MEI4: variants seen among roughly 807,000 people sequenced by gnomAD.
MEI4 encodes meiosis-specific protein MEI4.
MEI4 carries 27 observed loss-of-function variants against 31.4 expected under a neutral mutation model. That is an observed-to-expected ratio of 0.86 (90% CI 0.63 to 1.19). The LOEUF is 1.19. Among genes scored for constraint, MEI4 ranks in the 50% most tolerant of loss-of-function variants. The probability of loss-of-function intolerance (pLI) is 0.00; values close to 1 mark genes in which losing one functional copy is unlikely to be tolerated. For synonymous variants in MEI4, 122 were observed against 145.4 expected, an observed-to-expected ratio of 0.84 and a Z score of 1.16; for missense variants, 329 against 398.9, an observed-to-expected ratio of 0.82 and a Z score of 1.49.
intron 2 of MEI4, among the ~76,000 whole-genome samples, chr6:77,739,080 T>A (rs1767328920): frequency 6.6e-6 from 1 of 152,208 alleles, no homozygotes; most frequent in South Asian, 2.1e-4. Flanking sequence ...AGCTCTTTAG[T>A]TTAATTAGAT....
intron 1 of MEI4, among the ~76,000 whole-genome samples, chr6:77,659,152 CCGAGAGCAA>C (rs1290538392): frequency 2.6e-5 from 4 of 152,102 alleles, no homozygotes; most frequent in Admixed American, 2.6e-4. Context: ...TATTCCAGTA[CCGAGAGCAA>C]TAGTGGAGGC....
At chr6:77,866,461 G>C (rs1417855867) in intron 4 of MEI4, among the ~76,000 whole-genome samples, 1 of 152,156 alleles carries the variant, frequency 6.6e-6, no homozygotes, top group Non-Finnish European at 1.5e-5. Context: ...AATCATGAGT[G>C]AACTCCCATT....
chr6:77,700,561 G>A (rs1169146520), intron 2 of MEI4, among the ~76,000 whole-genome samples: 1 of 152,198 alleles, frequency 6.6e-6, no homozygotes, highest in Non-Finnish European at 1.5e-5. Flanking sequence ...GCAGTGCCTT[G>A]CCCTGCTTCG....
intron 4 of MEI4, among the ~76,000 whole-genome samples, chr6:77,866,780 A>T (rs903685172): frequency 3.3e-5 from 5 of 152,234 alleles, no homozygotes; most frequent in Non-Finnish European, 7.3e-5. Context: ...TCTAAGTCAA[A>T]AGAACAAAGC....
chr6:77,783,887 T>G (rs1489020946), intron 3 of MEI4, among the ~76,000 whole-genome samples: 1 of 152,170 alleles, frequency 6.6e-6, no homozygotes, highest in Admixed American at 6.6e-5. Context: ...GTTTAGTTTT[T>G]ATATTTTGCC....
intron 3 of MEI4, among the ~76,000 whole-genome samples, chr6:77,808,021 A>C (rs1204006504): frequency 6.6e-6 from 1 of 152,166 alleles, no homozygotes; most frequent in Non-Finnish European, 1.5e-5. Flanking sequence ...AGAAAGTTTG[A>C]AAGCAGTGCA....
At chr6:77,857,897 G>A (rs1281276597) in intron 4 of MEI4, among the ~76,000 whole-genome samples, 1 of 152,174 alleles carries the variant, frequency 6.6e-6, no homozygotes, top group Non-Finnish European at 1.5e-5. Flanking sequence ...TGATGTTCAA[G>A]TCACTTCTGA....
chr6:77,665,687 G>A (rs943536649), intron 1 of MEI4, among the ~76,000 whole-genome samples: 9 of 152,322 alleles, frequency 5.9e-5, no homozygotes, highest in South Asian at 2.1e-4. Context: ...GTCCGTGACC[G>A]GCGCCGGAGT....
intron 3 of MEI4, among the ~76,000 whole-genome samples, chr6:77,781,129 T>C (rs1768587029): frequency 6.6e-6 from 1 of 152,214 alleles, no homozygotes; most frequent in East Asian, 1.9e-4. Flanking sequence ...AACTCCTGGC[T>C]TCAAGTAATC....
In MEI4 at chr6:77,681,496, T is replaced by C. The variant is rs1308285065; in HGVS notation, c.-14-9162T>C. Among the ~76,000 whole-genome samples, 23 of 152,218 alleles carry C rather than the reference T, an allele frequency of 1.5e-4. 1 individual carries two copies. The highest frequency in any genetic ancestry group is 3.4e-4 in the Non-Finnish European group (23 of 68,032). ...CTGCTCCCTATTTCCTTTTATGGAT[T>C]TACATAGTGGAATGTGATTGCTGGT... On this transcript the variant is annotated intron_variant, in intron 1 of 4. Coordinates refer to ENST00000684080, the MANE Select transcript of MEI4 (RefSeq NM_001322247.2).
At chr6:77,840,491 A>C (rs1040889120) in intron 4 of MEI4, among the ~76,000 whole-genome samples, 2 of 152,178 alleles carry the variant, frequency 1.3e-5, no homozygotes, top group African/African-American at 4.8e-5. Context: ...TAAATGTATT[A>C]ATTTTCTGTG....
At chr6:77,802,370 A>G (rs936773905) in intron 3 of MEI4, among the ~76,000 whole-genome samples, 1 of 152,156 alleles carries the variant, frequency 6.6e-6, no homozygotes, top group Non-Finnish European at 1.5e-5. Flanking sequence ...GTGTCTCTGC[A>G]TGTGAGATGG....
chr6:77,674,039 CAG>C (rs1162019135), intron 1 of MEI4, among the ~76,000 whole-genome samples: 1 of 152,102 alleles, frequency 6.6e-6, no homozygotes, highest in African/African-American at 2.4e-5. Flanking sequence ...AAAGAGAGTT[CAG>C]AGAGGTGTTT....
chr6:77,799,916 A>C (rs1005520192), intron 3 of MEI4, among the ~76,000 whole-genome samples: 3 of 152,142 alleles, frequency 2.0e-5, no homozygotes, highest in African/African-American at 4.8e-5. Context: ...TATGATTTGA[A>C]GTCAGGTAGT....
chr6:77,767,425 TG>T (rs1426717286), intron 3 of MEI4, among the ~76,000 whole-genome samples: 1 of 152,030 alleles, frequency 6.6e-6, no homozygotes, highest in Non-Finnish European at 1.5e-5. Flanking sequence ...TCAGGCATGG[TG>T]GCTCACCCCT....
chr6:77,796,103 C>A (rs1242936880), intron 3 of MEI4, among the ~76,000 whole-genome samples: 1 of 152,060 alleles, frequency 6.6e-6, no homozygotes, highest in Non-Finnish European at 1.5e-5. Flanking sequence ...TTCATTATAA[C>A]CACATTAACA....
At chr6:77,884,356 A>T (rs77776283) in intron 4 of MEI4, among the ~76,000 whole-genome samples, 2 of 152,092 alleles carry the variant, frequency 1.3e-5, no homozygotes, top group Non-Finnish European at 2.9e-5. Context: ...TTTTAGTTTA[A>T]TGTAATAGTA....
At chr6:77,702,269 A>C (rs952267129) in intron 2 of MEI4, among the ~76,000 whole-genome samples, 1 of 152,190 alleles carries the variant, frequency 6.6e-6, no homozygotes, top group Non-Finnish European at 1.5e-5. Context: ...ACTTACCGAC[A>C]CAACTGTGGA....
intron 4 of MEI4, among the ~76,000 whole-genome samples, chr6:77,866,051 A>G (rs1771017299): frequency 6.6e-6 from 1 of 152,012 alleles, no homozygotes; most frequent in South Asian, 2.1e-4. Context: ...AAACACTCTC[A>G]ATAAAATAGG....
Sources: allele counts gnomAD v4.1 joint callset (sites outside exome capture counted in the v4.1 genomes callset), GRCh38; gene constraint gnomAD v4.1.1; transcripts MANE v1.5; gene names NCBI Gene and HGNC (gene_info 2026-07-23, HGNC 2026-07-21).